Variants in FOXK2 observed in about 807,000 individuals in gnomAD.
The protein encoded by FOXK2 is forkhead box K2, also known as forkhead box protein K2.
A neutral mutation model predicts 53.3 loss-of-function variants in FOXK2; 24 were observed. That is an observed-to-expected ratio of 0.45 (90% confidence interval 0.33 to 0.63). The LOEUF is 0.63. FOXK2 is among the 30% of genes least tolerant of loss of function. The pLI is 0.03. For missense variants in FOXK2, 952 were observed against 910.5 expected (o/e 1.05, Z -0.59); for synonymous variants, 505 against 407.1 (o/e 1.24, Z -2.89).
At chr17:82,569,554 T>G (rs72862345) in intron 3 of FOXK2, among the ~76,000 whole-genome samples, 21,455 of 152,224 alleles carry the variant, frequency 0.14, 1,894 homozygotes, top group South Asian at 0.23. Flanking sequence ...ATACTGATGT[T>G]CACTTTGCAA....
intron 1 of FOXK2, among the ~76,000 whole-genome samples, chr17:82,554,738 G>GTTTT (rs78786521): frequency 4.1e-5 from 6 of 145,116 alleles, no homozygotes; most frequent in African/African-American, 5.1e-5. Context: ...ATCCAGTGAG[G>GTTTT]TTTTTTTTTT....
chr17:82,537,075 G>A (rs764365290), intron 1 of FOXK2, among the ~76,000 whole-genome samples: 5 of 152,084 alleles, frequency 3.3e-5, no homozygotes, highest in Admixed American at 6.6e-5. Flanking sequence ...AAAGCTTAGC[G>A]GTTGGTTGTA....
chr17:82,551,927 T>G (rs2044681042), intron 1 of FOXK2, among the ~76,000 whole-genome samples: 1 of 152,236 alleles, frequency 6.6e-6, no homozygotes, highest in Non-Finnish European at 1.5e-5. Context: ...CTCCACCTCC[T>G]GCACACCCCT....
intron 4 of FOXK2, among the ~76,000 whole-genome samples, chr17:82,582,056 AATACTTT>A (rs1283400581): frequency 1.3e-5 from 2 of 152,114 alleles, no homozygotes; most frequent in Admixed American, 1.3e-4. Context: ...TGGTTTACCA[AATACTTT>A]ATACTGGATT....
intron 3 of FOXK2, among the ~76,000 whole-genome samples, chr17:82,570,964 G>T (rs1033232630): frequency 6.6e-6 from 1 of 152,160 alleles, no homozygotes; most frequent in Non-Finnish European, 1.5e-5. Context: ...GGGCCAGGGG[G>T]CTCCTCCTCA....
intron 1 of FOXK2, among the ~76,000 whole-genome samples, chr17:82,533,196 A>C (rs932674960): frequency 7.2e-5 from 11 of 152,142 alleles, no homozygotes; most frequent in Non-Finnish European, 1.2e-4. Flanking sequence ...TTAACGATAA[A>C]ATGTATAGTG....
intron 4 of FOXK2, among the ~76,000 whole-genome samples, chr17:82,582,315 C>A (rs1471703382): frequency 6.6e-6 from 1 of 152,150 alleles, no homozygotes; most frequent in Non-Finnish European, 1.5e-5. Flanking sequence ...CCTCCTGTTG[C>A]CAGCTCTCCA....
chr17:82,596,375 G>A (rs932897698), intron 8 of FOXK2, among the ~76,000 whole-genome samples: 1 of 150,866 alleles, frequency 6.6e-6, no homozygotes, highest in Non-Finnish European at 1.5e-5. Context: ...GGGACCCTCA[G>A]AGCTTGGTGT....
intron 1 of FOXK2, among the ~76,000 whole-genome samples, chr17:82,524,781 C>G (rs759989351): frequency 6.6e-6 from 1 of 152,172 alleles, no homozygotes; most frequent in African/African-American, 2.4e-5. Flanking sequence ...TGGGCCCCAC[C>G]TGGCAGGGCT....
chr17:82,584,218 C>G (rs756512375), intron 6 of FOXK2, 30 bp downstream of exon 6: 1 of 1,554,368 alleles, frequency 6.4e-7, no homozygotes, highest in Non-Finnish European at 8.7e-7. Context: ...AGCGAGGGCC[C>G]CAACAGCGTG....
intron 8 of FOXK2, among the ~76,000 whole-genome samples, chr17:82,589,270 C>T (rs1344918990): frequency 8.5e-5 from 13 of 152,172 alleles, no homozygotes; most frequent in South Asian, 2.1e-4. Flanking sequence ...CAGGCAGGAG[C>T]GGCCCAGATC....
intron 1 of FOXK2, among the ~76,000 whole-genome samples, chr17:82,553,665 C>T (rs1037554311): frequency 6.6e-6 from 1 of 152,162 alleles, no homozygotes; most frequent in Non-Finnish European, 1.5e-5. Flanking sequence ...TGCGAAGAGG[C>T]CCCTAGACCT....
At chr17:82,542,237 C>T (rs979704001) in intron 1 of FOXK2, among the ~76,000 whole-genome samples, 1 of 151,452 alleles carries the variant, frequency 6.6e-6, no homozygotes, top group African/African-American at 2.4e-5. Context: ...TCTCGGCTCA[C>T]TGCAACCTCC....
chr17:82,566,819 C>T (rs2044857467), intron 2 of FOXK2, among the ~76,000 whole-genome samples: 1 of 152,186 alleles, frequency 6.6e-6, no homozygotes, highest in East Asian at 1.9e-4. Flanking sequence ...CCCGGGGCCT[C>T]CAGGTGGAGC....
chr17:82,535,206 G>A (rs62078099), intron 1 of FOXK2, among the ~76,000 whole-genome samples: 5,932 of 152,302 alleles, frequency 0.039, 125 homozygotes, highest in Non-Finnish European at 0.044. Flanking sequence ...CTGATGAGAA[G>A]TCAGCTGTTA....
chr17:82,569,072 T>G (rs1455895494), intron 3 of FOXK2, among the ~76,000 whole-genome samples: 1 of 152,050 alleles, frequency 6.6e-6, no homozygotes, highest in Non-Finnish European at 1.5e-5. Context: ...GAATGGTGAT[T>G]AGGATATTGT....
rs201977766 is a variant in FOXK2, at chr17:82,571,776, C to T, written c.815C>T (p.Thr272Met). ...GCGCAGCTGATAGTTCAGGCGATTA[C>T]GATGGCTCCCGACAAACAGCTCACC... The part of the protein sequence containing the change: ...SYAQLIVQAI[T>M]MAPDKQLTLN... Residue 272 changes from threonine to methionine, a missense_variant, in exon 4 of 9, where the codon ACG becomes ATG. By Grantham distance (81) the Thr-to-Met change is moderately conservative (BLOSUM62 -1). This residue lies in a region of FOXK2 where 160 missense variants were observed against 214.2 expected (regional missense o/e 0.75). Transcript: ENST00000335255. The T allele has an allele frequency of 1.1e-5, 18 of 1,602,592 alleles. No individual in the cohort carries two copies. The highest frequency in any genetic ancestry group is 5.6e-5 in the South Asian group (5 of 89,374).
intron 1 of FOXK2, among the ~76,000 whole-genome samples, chr17:82,550,156 C>T (rs2044662166): frequency 6.6e-6 from 1 of 152,128 alleles, no homozygotes; most frequent in African/African-American, 2.4e-5. Flanking sequence ...GTGCCACTGC[C>T]TTCCAGCCTG....
chr17:82,558,274 G>C (rs1195257436), intron 1 of FOXK2, among the ~76,000 whole-genome samples: 1 of 152,158 alleles, frequency 6.6e-6, no homozygotes, highest in African/African-American at 2.4e-5. Flanking sequence ...GGAAGTTGAG[G>C]CTGCAGTGAG....
Sources: allele counts gnomAD v4.1 joint callset (sites outside exome capture counted in the v4.1 genomes callset), GRCh38; gene constraint gnomAD v4.1.1; regional missense constraint gnomAD v4.1.1; transcripts MANE v1.5; gene names NCBI Gene and HGNC (gene_info 2026-07-23, HGNC 2026-07-21).